SND1: variants seen among roughly 807,000 people sequenced by gnomAD.
The protein encoded by SND1 is staphylococcal nuclease and tudor domain containing 1.
SND1 carries 38 observed loss-of-function variants against 121.7 expected under a neutral mutation model. That is an observed-to-expected ratio of 0.31 (90% confidence interval 0.24 to 0.41). The LOEUF is 0.41. SND1 is among the 10% of genes least tolerant of loss of function. The pLI is 1.00. For missense variants in SND1, 868 were observed against 1,184.6 expected (o/e 0.73, Z 3.92); for synonymous variants, 401 against 447.4 (o/e 0.90, Z 1.31).
chr7:127,846,962 AT>A (rs1799075376), intron 12 of SND1, among the ~76,000 whole-genome samples: 1 of 150,486 alleles, frequency 6.6e-6, no homozygotes, highest in Admixed American at 6.6e-5. Flanking sequence ...TTTTTTCTGA[AT>A]TTTCTATATT....
chr7:127,976,812 C>T (rs1802130798), intron 15 of SND1, among the ~76,000 whole-genome samples: 1 of 152,166 alleles, frequency 6.6e-6, no homozygotes, highest in Admixed American at 6.5e-5. Flanking sequence ...ACAACACCAC[C>T]AGGGTCTCCA....
chr7:128,056,401 G>A (rs1166370080), intron 16 of SND1, among the ~76,000 whole-genome samples: 1 of 152,168 alleles, frequency 6.6e-6, no homozygotes, highest in Non-Finnish European at 1.5e-5. Flanking sequence ...AAAGAAAAAA[G>A]GGCCTTGTTT....
intron 3 of SND1, among the ~76,000 whole-genome samples, chr7:127,695,512 A>G (rs908954862): frequency 1.3e-5 from 2 of 152,052 alleles, no homozygotes; most frequent in African/African-American, 4.8e-5. Flanking sequence ...TAGTTTCTTC[A>G]TTTGTAAGTT....
intron 14 of SND1, among the ~76,000 whole-genome samples, chr7:127,922,937 C>T (rs960737229): frequency 1.3e-5 from 2 of 152,198 alleles, no homozygotes; most frequent in East Asian, 1.9e-4. Flanking sequence ...GAGTGAGGTG[C>T]TTTACCAACC....
At chr7:127,772,348 C>T (rs147671847) in intron 10 of SND1, among the ~76,000 whole-genome samples, 20 of 152,276 alleles carry the variant, frequency 1.3e-4, no homozygotes, top group African/African-American at 2.6e-4. Context: ...AATATTTGCC[C>T]GTGCTCACAA....
intron 10 of SND1, among the ~76,000 whole-genome samples, chr7:127,800,190 G>C (rs1164130858): frequency 1.3e-5 from 2 of 152,204 alleles, no homozygotes; most frequent in African/African-American, 4.8e-5. Context: ...AATGGCATGT[G>C]TGGCAGGGCA....
At chr7:127,655,260 G>T (rs865826358) in intron 1 of SND1, among the ~76,000 whole-genome samples, 2 of 152,168 alleles carry the variant, frequency 1.3e-5, no homozygotes, top group Non-Finnish European at 2.9e-5. Flanking sequence ...GTTTCTTCTG[G>T]TCTCTGCTTT....
intron 12 of SND1, chr7:127,858,304 A>G: frequency 3.0e-6 from 3 of 996,040 alleles, no homozygotes; most frequent in Non-Finnish European, 4.6e-6. Context: ...TGGGTCACCC[A>G]GGCCCCTTGC....
At chr7:127,905,910 C>G (rs932875298) in intron 14 of SND1, among the ~76,000 whole-genome samples, 1 of 152,148 alleles carries the variant, frequency 6.6e-6, no homozygotes, top group Non-Finnish European at 1.5e-5. Flanking sequence ...TAGAGCTCAG[C>G]CTAGGCTGCA....
intron 13 of SND1, among the ~76,000 whole-genome samples, chr7:127,899,730 G>A (rs1272803196): frequency 6.6e-6 from 1 of 152,166 alleles, no homozygotes; most frequent in Non-Finnish European, 1.5e-5. Flanking sequence ...TTCAGTCAAA[G>A]TGTGTGTAGC....
chr7:127,858,345 G>A, intron 12 of SND1: 1 of 1,344,532 alleles, frequency 7.4e-7, no homozygotes, highest in Non-Finnish European at 1.0e-6. Context: ...CGGGCCCCCA[G>A]ATGCCTCAGT....
chr7:128,045,921 G>GA (rs1220322166), intron 16 of SND1, among the ~76,000 whole-genome samples: 1 of 152,042 alleles, frequency 6.6e-6, no homozygotes, highest in Non-Finnish European at 1.5e-5. Context: ...AGTTTAAAAA[G>GA]AAAAAAATCC....
intron 11 of SND1, among the ~76,000 whole-genome samples, 171 bp downstream of exon 11, chr7:127,807,744 C>T (rs1392293003): frequency 6.6e-6 from 1 of 152,056 alleles, no homozygotes; most frequent in African/African-American, 2.4e-5. Flanking sequence ...AAACGGTACC[C>T]GATGGGAGAG....
chr7:127,958,502 C>T (rs1251032109), intron 15 of SND1, among the ~76,000 whole-genome samples: 1 of 152,154 alleles, frequency 6.6e-6, no homozygotes, highest in Non-Finnish European at 1.5e-5. Flanking sequence ...CACTTTGCTC[C>T]ACCTTTCAGT....
intron 17 of SND1, 34 bp from the exon 18 acceptor site, chr7:128,081,326 G>C: frequency 6.2e-7 from 1 of 1,612,538 alleles, no homozygotes; most frequent in African/African-American, 1.3e-5. Flanking sequence ...TCACTTCCTC[G>C]CCCTCTTCTC....
chr7:127,710,949 C>T (rs945236320), intron 9 of SND1, among the ~76,000 whole-genome samples: 1 of 152,146 alleles, frequency 6.6e-6, no homozygotes, highest in Middle Eastern at 3.2e-3. Flanking sequence ...CTTCTAGTTT[C>T]CTGCAAAATT....
chr7:127,802,974 C>G (rs953030545), intron 10 of SND1, among the ~76,000 whole-genome samples: 22 of 152,204 alleles, frequency 1.4e-4, no homozygotes, highest in African/African-American at 5.3e-4. Flanking sequence ...GATGTAATCT[C>G]TTATGATTTC....
chr7:127,709,405 A>G (rs565924094), intron 9 of SND1, among the ~76,000 whole-genome samples: 1 of 152,212 alleles, frequency 6.6e-6, no homozygotes, highest in African/African-American at 2.4e-5. Flanking sequence ...TGAGGATCTT[A>G]GTACCCTGTC....
intron 12 of SND1, among the ~76,000 whole-genome samples, chr7:127,873,115 C>G (rs1250848546): frequency 6.6e-6 from 1 of 152,176 alleles, no homozygotes; most frequent in African/African-American, 2.4e-5. Flanking sequence ...TTATTCTTCA[C>G]CCAGTGGCAG....
Sources: allele counts gnomAD v4.1 joint callset (sites outside exome capture counted in the v4.1 genomes callset), GRCh38; gene constraint gnomAD v4.1.1; transcripts MANE v1.5; gene names NCBI Gene and HGNC (gene_info 2026-07-23, HGNC 2026-07-21).